Variants in BPTF observed in about 807,000 individuals in gnomAD.
BPTF encodes the protein nucleosome-remodeling factor subunit BPTF.
Under a neutral mutation model 292.5 loss-of-function variants are expected in BPTF, and 18 were observed. The ratio of observed to expected loss-of-function variants is 0.06; its 90% CI spans 0.04 to 0.09. The LOEUF (loss-of-function observed/expected upper bound fraction) is 0.09. BPTF is among the 10% of genes least tolerant of loss of function. BPTF has a pLI of 1.00. For missense variants in BPTF, 2,726 were observed against 3,498.7 expected, an observed-to-expected ratio of 0.78 and a Z score of 5.57; for synonymous variants, 1,225 against 1,251.9, an observed-to-expected ratio of 0.98 and a Z score of 0.45.
At chr17:67,864,684 G>A (rs1353327278) in intron 2 of BPTF, among the ~76,000 whole-genome samples, 1 of 152,178 alleles carries the variant, frequency 6.6e-6, no homozygotes, top group Non-Finnish European at 1.5e-5. Context: ...GAAGAAAAAT[G>A]TTAGGTCAGT....
At position 67,884,216 on chromosome 17, in the gene BPTF, C is replaced by T. The variant is rs149082560; in HGVS notation, c.1865-7628C>T. ...GCAGTGGCGCAATCTCAGCTCACTGCAACCTCAGCCTCCCAAGTAGCTGGG... is the reference window on the plus strand; with the variant it reads ...GCAGTGGCGCAATCTCAGCTCACTGTAACCTCAGCCTCCCAAGTAGCTGGG... On this transcript the variant is annotated intron_variant, in intron 4 of 27. Coordinates refer to ENST00000306378, the MANE Select transcript of BPTF (RefSeq NM_182641.4). Among the ~76,000 whole-genome samples the T allele has an allele frequency of 3.5e-3, 526 of 150,874 alleles. 3 individuals are homozygous for T. Among genetic ancestry groups the T allele is most frequent in the African/African-American group, 0.01 (415 of 41,012 alleles).
At chr17:67,926,316 C>CT (rs869295387) in intron 15 of BPTF, among the ~76,000 whole-genome samples, 1,988 of 83,826 alleles carry the variant, frequency 0.024, 399 homozygotes, top group Non-Finnish European at 0.033. Flanking sequence ...TAATATACTA[C>CT]TTTTTTTTTT....
intron 18 of BPTF, among the ~76,000 whole-genome samples, chr17:67,939,113 A>C (rs2065161110): frequency 6.6e-6 from 1 of 152,228 alleles, no homozygotes; most frequent in South Asian, 2.1e-4. Context: ...CTATGAACCC[A>C]GTAATATTTT....
chr17:67,852,788 G>C (rs1380337754), intron 1 of BPTF, among the ~76,000 whole-genome samples: 2 of 152,236 alleles, frequency 1.3e-5, no homozygotes, highest in Non-Finnish European at 2.9e-5. Flanking sequence ...CATTCAGATA[G>C]ATGTTTGCCA....
intron 4 of BPTF, chr17:67,886,460 T>G (rs1319479998): frequency 1.9e-6 from 1 of 534,712 alleles, no homozygotes; most frequent in Non-Finnish European, 3.2e-6. Flanking sequence ...GGGGTGGAAT[T>G]TAGATGTTCT....
intron 4 of BPTF, among the ~76,000 whole-genome samples, chr17:67,882,134 G>C (rs1484696092): frequency 6.6e-6 from 1 of 151,936 alleles, no homozygotes; most frequent in Non-Finnish European, 1.5e-5. Context: ...CGTGCTGGCC[G>C]GACTTCTTGC....
intron 25 of BPTF, chr17:67,965,534 CA>C (rs2068003326): frequency 7.0e-6 from 1 of 143,456 alleles, no homozygotes; most frequent in Non-Finnish European, 1.5e-5. Context: ...CCCATCTCTA[CA>C]AAAAAATTTT....
chr17:67,885,899 T>G (rs1162179178), intron 4 of BPTF, among the ~76,000 whole-genome samples: 1 of 151,934 alleles, frequency 6.6e-6, no homozygotes, highest in Non-Finnish European at 1.5e-5. Context: ...TGAGTTAGAG[T>G]TGGGTCCTCA....
intron 18 of BPTF, among the ~76,000 whole-genome samples, chr17:67,937,861 T>C (rs529495866): frequency 6.6e-6 from 1 of 152,318 alleles, no homozygotes; most frequent in Admixed American, 6.5e-5. Flanking sequence ...ATGCCTGTAA[T>C]CCCAGCCCTT....
At chr17:67,836,023 T>A (rs2057105985) in intron 1 of BPTF, among the ~76,000 whole-genome samples, 1 of 152,130 alleles carries the variant, frequency 6.6e-6, no homozygotes, top group Admixed American at 6.6e-5. Flanking sequence ...AAGGAAGGAT[T>A]AGGATTCAGA....
At chr17:67,842,354 C>T (rs1407586801) in intron 1 of BPTF, among the ~76,000 whole-genome samples, 7 of 152,130 alleles carry the variant, frequency 4.6e-5, no homozygotes, top group Non-Finnish European at 8.8e-5. Flanking sequence ...CCAGTTACTC[C>T]TCCTTCAGAC....
chr17:67,947,207 G>A (rs1035477511), intron 21 of BPTF, among the ~76,000 whole-genome samples: 1 of 152,022 alleles, frequency 6.6e-6, no homozygotes, highest in Non-Finnish European at 1.5e-5. Flanking sequence ...TGAAAATGAC[G>A]GTCATATATA....
intron 1 of BPTF, among the ~76,000 whole-genome samples, chr17:67,842,116 A>G (rs998126577): frequency 6.6e-6 from 1 of 152,072 alleles, no homozygotes; most frequent in Non-Finnish European, 1.5e-5. Context: ...AATTGTACAT[A>G]TGTGTATATA....
chr17:67,950,972 T>C (rs1445823074), intron 23 of BPTF: 1 of 152,044 alleles, frequency 6.6e-6, no homozygotes, highest in East Asian at 1.9e-4. Flanking sequence ...CATGCCTGGC[T>C]AATTTTTTGT....
At chr17:67,904,577 GGGATGA>G (rs1250504252) in intron 8 of BPTF, 119 bp from the exon 9 acceptor site, 2 of 682,236 alleles carry the variant, frequency 2.9e-6, no homozygotes, top group African/African-American at 1.8e-5. Flanking sequence ...GAAAAACCTG[GGGATGA>G]TTAGTAAATT....
At chr17:67,925,992 C>A (rs530701737) in intron 15 of BPTF, among the ~76,000 whole-genome samples, 1 of 56,652 alleles carries the variant, frequency 1.8e-5, no homozygotes. Flanking sequence ...TAACATATTA[C>A]TTTTTTTTTT....
chr17:67,957,561 A>C (rs1462179976), intron 23 of BPTF, among the ~76,000 whole-genome samples: 6 of 152,252 alleles, frequency 3.9e-5, no homozygotes, highest in Admixed American at 1.3e-4. Context: ...AAAAATTTTT[A>C]AGTCAGATTT....
At chr17:67,888,819 T>C (rs765413735) in intron 4 of BPTF, among the ~76,000 whole-genome samples, 1 of 152,180 alleles carries the variant, frequency 6.6e-6, no homozygotes, top group Non-Finnish European at 1.5e-5. Context: ...CATTCTGTTT[T>C]ACCTGCCTAG....
chr17:67,915,972 T>C (rs2062957233), intron 11 of BPTF, among the ~76,000 whole-genome samples: 1 of 152,202 alleles, frequency 6.6e-6, no homozygotes, highest in South Asian at 2.1e-4. Flanking sequence ...AGTCATTGTT[T>C]GACCACAGAG....
Sources: gnomAD v4.1 joint callset for allele counts (sites outside exome capture counted in the v4.1 genomes callset) on GRCh38, gnomAD v4.1.1 for gene constraint, MANE v1.5 for transcripts, NCBI Gene and HGNC (gene_info 2026-07-23, HGNC 2026-07-21) for gene names.